The following FGGY variants were observed in gnomAD, a reference collection of about 807,000 sequenced individuals.
FGGY encodes the protein FGGY carbohydrate kinase domain-containing protein.
A neutral mutation model predicts 71.3 loss-of-function variants in FGGY; 72 were observed. That is an observed-to-expected ratio of 1.01 (90% CI 0.84 to 1.23). FGGY has a LOEUF of 1.23. FGGY is among the 50% of genes most tolerant of loss of function. The pLI is 0.00. For missense variants in FGGY, 668 were observed against 682.3 expected (o/e 0.98, Z 0.23); for synonymous variants, 251 against 250.3 (o/e 1.00, Z -0.02).
intron 14 of FGGY, among the ~76,000 whole-genome samples, chr1:59,713,955 C>T (rs2097822163): frequency 6.6e-6 from 1 of 152,144 alleles, no homozygotes; most frequent in Non-Finnish European, 1.5e-5. Flanking sequence ...GCATTAAAAT[C>T]AAAATTTGAA....
rs1164027344 is a variant in FGGY, at chr1:59,638,254, A to G, written c.1100A>G (p.Asn367Ser). 12 of 1,614,048 alleles carry G rather than the reference A, an allele frequency of 7.4e-6. No homozygotes were observed. Among genetic ancestry groups the G allele is most frequent in the African/African-American group, 1.3e-5 (1 of 74,912 alleles). Residue 367 changes from asparagine to serine, a missense_variant, in exon 11 of 16, where the codon AAC (asparagine) becomes AGC (serine). Asn to Ser is a conservative substitution (Grantham distance 46). Coordinates refer to ENST00000303721, the MANE Select transcript of FGGY (RefSeq NM_018291.5). ...TGCCAGAGTATATATGCATATTTGA[A>G]CAGTCACCTGGATCTGATTAAGAAG... ...ARCQSIYAYL[N>S]SHLDLIKKAQ... is the part of the protein sequence containing the mutation.
In FGGY at chr1:59,726,365, TGAGA is replaced by T. The variant is rs201756103; in HGVS notation, c.1513-31560_1513-31557del. ...TAAGAATATTTTGCATCTATATTCA[TGAGA>T]GAGAGTGGATTTTGGCTTTCTTTTT... On this transcript the variant is annotated intron_variant, in intron 14 of 15. Coordinates refer to ENST00000303721, the MANE Select transcript of FGGY (RefSeq NM_018291.5). Among the ~76,000 whole-genome samples, 856 of 152,248 alleles carry T rather than the reference TGAGA, an allele frequency of 5.6e-3. 5 individuals are homozygous for T. The highest frequency in any genetic ancestry group is 0.019 in the African/African-American group (773 of 41,542).
chr1:59,421,880 G>T (rs1449720784), intron 5 of FGGY, among the ~76,000 whole-genome samples: 1 of 152,134 alleles, frequency 6.6e-6, no homozygotes, highest in African/African-American at 2.4e-5. Context: ...GAATGTGAAG[G>T]ATTTGGGTTG....
At chr1:59,740,538 T>C (rs1324721364) in intron 14 of FGGY, among the ~76,000 whole-genome samples, 1 of 152,204 alleles carries the variant, frequency 6.6e-6, no homozygotes, top group African/African-American at 2.4e-5. Flanking sequence ...CTGGCCAAGA[T>C]GGAAGTATTT....
At chr1:59,760,158 A>G (rs2098329528) in intron 15 of FGGY, among the ~76,000 whole-genome samples, 1 of 152,248 alleles carries the variant, frequency 6.6e-6, no homozygotes, top group South Asian at 2.1e-4. Context: ...ACTTGAATGA[A>G]TATTTCCCCA....
chr1:59,569,162 T>A (rs1479126613), intron 8 of FGGY, among the ~76,000 whole-genome samples: 1 of 152,216 alleles, frequency 6.6e-6, no homozygotes, highest in Non-Finnish European at 1.5e-5. Flanking sequence ...GTGTATAAAC[T>A]TTCTAATCCT....
intron 7 of FGGY, among the ~76,000 whole-genome samples, chr1:59,542,445 CTTTTTTTTTTTTTTTTTT>C (rs754831417): frequency 0.012 from 397 of 34,288 alleles, 14 homozygotes; most frequent in African/African-American, 0.039. Flanking sequence ...ATGTTCTTTA[CTTTTTTTTTTTTTTTTTT>C]TTTTTTTTTT....
chr1:59,658,542 G>T (rs749338901), intron 11 of FGGY, among the ~76,000 whole-genome samples: 11 of 152,190 alleles, frequency 7.2e-5, no homozygotes, highest in Non-Finnish European at 1.5e-4. Flanking sequence ...AGCATAGCTG[G>T]AGCATAGGAT....
chr1:59,310,827 C>CTTAT (rs758206601), intron 1 of FGGY, among the ~76,000 whole-genome samples: 8 of 152,196 alleles, frequency 5.3e-5, no homozygotes, highest in Non-Finnish European at 7.3e-5. Context: ...AAGGCTTGCT[C>CTTAT]ATAATGCTGC....
intron 11 of FGGY, among the ~76,000 whole-genome samples, chr1:59,647,465 T>A (rs1261453286): frequency 6.6e-6 from 1 of 152,222 alleles, no homozygotes; most frequent in African/African-American, 2.4e-5. Flanking sequence ...TCTAGTGGCT[T>A]AAATTTATTC....
At chr1:59,676,104 G>A (rs926688718) in intron 14 of FGGY, among the ~76,000 whole-genome samples, 45 of 152,160 alleles carry the variant, frequency 3.0e-4, no homozygotes, top group African/African-American at 9.4e-4. Context: ...TGAGAACATA[G>A]ATTTCTGTTG....
chr1:59,317,554 G>C (rs1046011871), intron 1 of FGGY, among the ~76,000 whole-genome samples: 6 of 152,196 alleles, frequency 3.9e-5, no homozygotes, highest in African/African-American at 1.2e-4. Context: ...AAGATTAGGA[G>C]TCTAGGACGC....
At chr1:59,397,519 G>C (rs2061464366) in intron 5 of FGGY, among the ~76,000 whole-genome samples, 2 of 152,236 alleles carry the variant, frequency 1.3e-5, no homozygotes, top group South Asian at 4.1e-4. Flanking sequence ...GTAAGCACAA[G>C]TAAATAGAGG....
At chr1:59,697,720 T>A in intron 14 of FGGY, 1 of 1,300,900 alleles carries the variant, frequency 7.7e-7, no homozygotes, top group Non-Finnish European at 1.0e-6. Context: ...AATCAGACTC[T>A]CTTCTTCCAG....
chr1:59,736,300 G>A (rs1003890347), intron 14 of FGGY, among the ~76,000 whole-genome samples: 6 of 152,110 alleles, frequency 3.9e-5, no homozygotes, highest in East Asian at 3.8e-4. Context: ...AATTGGCACC[G>A]GGAGTGGGGC....
At chr1:59,298,652 C>A (rs1569810862) in intron 1 of FGGY, among the ~76,000 whole-genome samples, 4 of 152,116 alleles carry the variant, frequency 2.6e-5, no homozygotes, top group Non-Finnish European at 5.9e-5. Flanking sequence ...TAGTTTAAAT[C>A]ACAGTCAATT....
At chr1:59,725,152 G>A (rs2097931525) in intron 14 of FGGY, among the ~76,000 whole-genome samples, 1 of 152,154 alleles carries the variant, frequency 6.6e-6, no homozygotes, top group Admixed American at 6.5e-5. Flanking sequence ...TAATGTCACT[G>A]TCTAAATTCA....
At chr1:59,594,610 A>C (rs1368635937) in intron 8 of FGGY, among the ~76,000 whole-genome samples, 3 of 152,172 alleles carry the variant, frequency 2.0e-5, no homozygotes, top group Non-Finnish European at 4.4e-5. Context: ...GCTTCCTCCC[A>C]CCAAGGCTGA....
At chr1:59,450,266 C>G (rs2072387978) in intron 5 of FGGY, among the ~76,000 whole-genome samples, 1 of 152,070 alleles carries the variant, frequency 6.6e-6, no homozygotes, top group Admixed American at 6.5e-5. Flanking sequence ...AATTTTGATG[C>G]CTCATTATAT....
Sources: gnomAD v4.1 joint callset for allele counts (sites outside exome capture counted in the v4.1 genomes callset) on GRCh38, gnomAD v4.1.1 for gene constraint, MANE v1.5 for transcripts, NCBI Gene and HGNC (gene_info 2026-07-23, HGNC 2026-07-21) for gene names.